The following NDUFA12 variants were observed in gnomAD, a reference collection of about 807,000 sequenced individuals.
NDUFA12 encodes the protein NADH:ubiquinone oxidoreductase subunit A12, also known as NADH dehydrogenase [ubiquinone] 1 alpha subcomplex subunit 12.
NDUFA12 carries 17 observed loss-of-function variants against 20.3 expected under a neutral mutation model. That is an observed-to-expected ratio of 0.84 (90% CI 0.57 to 1.26). NDUFA12 has a LOEUF of 1.26. NDUFA12 is among the 50% of genes most tolerant of loss of function. NDUFA12 has a pLI of 0.00. For synonymous variants in NDUFA12, 72 were observed against 63.6 expected (o/e 1.13, Z -0.63); for missense variants, 191 against 183.7 (o/e 1.04, Z -0.23).
intron 3 of NDUFA12, among the ~76,000 whole-genome samples, chr12:94,979,437 G>A (rs1221290973): frequency 6.6e-6 from 1 of 152,128 alleles, no homozygotes; most frequent in Non-Finnish European, 1.5e-5. Flanking sequence ...TTTTAATGGT[G>A]ATTATAAGGA....
At chr12:94,985,579 A>G (rs1174429482) in intron 3 of NDUFA12, among the ~76,000 whole-genome samples, 10 of 142,642 alleles carry the variant, frequency 7.0e-5, no homozygotes, top group Non-Finnish European at 1.5e-4. Flanking sequence ...GTGAGCTGAG[A>G]TCACGCCACT....
chr12:94,989,034 A>AATAC (rs1207636509), intron 3 of NDUFA12, among the ~76,000 whole-genome samples: 1 of 152,146 alleles, frequency 6.6e-6, no homozygotes, highest in African/African-American at 2.4e-5. Context: ...CAGACCAAGC[A>AATAC]ATACATCTCA....
intron 3 of NDUFA12, among the ~76,000 whole-genome samples, chr12:94,992,964 A>G (rs968217622): frequency 3.3e-5 from 5 of 152,214 alleles, no homozygotes; most frequent in African/African-American, 9.6e-5. Flanking sequence ...TATGCACTCA[A>G]TGTAAATAGG....
At chr12:95,002,906 T>A (rs1875110117) in intron 1 of NDUFA12, 85 bp from the exon 2 acceptor site, 12 of 1,172,388 alleles carry the variant, frequency 1.0e-5, no homozygotes, top group Non-Finnish European at 1.5e-5. Flanking sequence ...GTAACAACTT[T>A]CAGACACAAG....
intron 1 of NDUFA12, 46 bp from the exon 2 acceptor site, chr12:95,002,867 T>C (rs760158593): frequency 6.6e-7 from 1 of 1,512,224 alleles, no homozygotes; most frequent in East Asian, 2.3e-5. Flanking sequence ...TGATTCTTAG[T>C]TCAAAACATA....
chr12:94,986,085 CTAAATAAA>C lies in NDUFA12; in HGVS notation c.257+8077_257+8084del, dbSNP rs57582405. ...GGGCGACAAGAGCATAACTCTGTCT[CTAAATAAA>C]TAAATAAATAAATAAATAAATAAGC... On this transcript the variant is annotated intron_variant, in intron 3 of 3. Transcript: ENST00000327772. Among the ~76,000 whole-genome samples, 1,074 of 136,248 alleles carry C rather than the reference CTAAATAAA, an allele frequency of 7.9e-3. 8 individuals are homozygous for C. The highest frequency in any genetic ancestry group is 0.013 in the Non-Finnish European group (785 of 62,700). 89.4% of individuals were successfully genotyped at this position (136,248 alleles called of 152,430 possible).
intron 3 of NDUFA12, among the ~76,000 whole-genome samples, chr12:94,981,985 T>C (rs1433320): frequency 0.87 from 132,357 of 152,216 alleles, 57,647 homozygotes; most frequent in Admixed American, 0.9. Flanking sequence ...TTCTAATGTT[T>C]CCCATAAGAT....
At chr12:94,992,322 C>T (rs1874672026) in intron 3 of NDUFA12, among the ~76,000 whole-genome samples, 1 of 152,286 alleles carries the variant, frequency 6.6e-6, no homozygotes, top group East Asian at 1.9e-4. Flanking sequence ...TTTTAGGGCT[C>T]TCATTTTATA....
chr12:95,002,684 C>G (rs1875096809), intron 2 of NDUFA12, 55 bp downstream of exon 2: 3 of 1,320,310 alleles, frequency 2.3e-6, no homozygotes, highest in East Asian at 4.6e-5. Flanking sequence ...AAAATAGACT[C>G]AAATCAAATC....
chr12:95,003,441 GA>G (rs2136075225), intron 1 of NDUFA12, among the ~76,000 whole-genome samples, 153 bp downstream of exon 1: 1 of 152,326 alleles, frequency 6.6e-6, no homozygotes, highest in African/African-American at 2.4e-5. Flanking sequence ...ATGGGACAGA[GA>G]CCAGCCTGGG....
At chr12:95,002,700 C>A (rs1007263733) in intron 2 of NDUFA12, 39 bp downstream of exon 2, 24 of 1,445,894 alleles carry the variant, frequency 1.7e-5, no homozygotes, top group Middle Eastern at 1.7e-4. Context: ...AAATCCCAAT[C>A]CCAATCCAAT....
At chr12:94,989,269 C>T (rs1181019668) in intron 3 of NDUFA12, among the ~76,000 whole-genome samples, 1 of 152,092 alleles carries the variant, frequency 6.6e-6, no homozygotes, top group East Asian at 1.9e-4. Flanking sequence ...TTCTGCCTTC[C>T]CCTATGAAAA....
intron 3 of NDUFA12, among the ~76,000 whole-genome samples, chr12:94,982,022 G>A (rs1225429007): frequency 6.6e-6 from 1 of 152,148 alleles, no homozygotes; most frequent in Non-Finnish European, 1.5e-5. Context: ...AAACAGAGAA[G>A]CTGACTAAAA....
chr12:94,990,353 A>C (rs1230447862), intron 3 of NDUFA12, among the ~76,000 whole-genome samples: 2 of 152,160 alleles, frequency 1.3e-5, no homozygotes, highest in African/African-American at 2.4e-5. Flanking sequence ...AAAAGAGTGC[A>C]ACAGCAATCC....
chr12:94,975,470 T>C (rs940249407), intron 3 of NDUFA12, among the ~76,000 whole-genome samples: 2 of 152,192 alleles, frequency 1.3e-5, no homozygotes, highest in Non-Finnish European at 2.9e-5. Context: ...GAGAAATCAG[T>C]ACTCATATAC....
At chr12:94,980,687 G>T (rs536435805) in intron 3 of NDUFA12, among the ~76,000 whole-genome samples, 2 of 152,066 alleles carry the variant, frequency 1.3e-5, no homozygotes, top group East Asian at 1.9e-4. Context: ...ATCAATGTAC[G>T]AGGAGAGACT....
At chr12:94,983,975 C>T (rs1874325724) in intron 3 of NDUFA12, among the ~76,000 whole-genome samples, 1 of 151,812 alleles carries the variant, frequency 6.6e-6, no homozygotes, top group Admixed American at 6.6e-5. Flanking sequence ...AGCCTGTCCA[C>T]ACAAGGAGAA....
chr12:94,982,385 T>C (rs1176262952), intron 3 of NDUFA12, among the ~76,000 whole-genome samples: 1 of 151,938 alleles, frequency 6.6e-6, no homozygotes, highest in Non-Finnish European at 1.5e-5. Flanking sequence ...GCCAGTCTCC[T>C]GCCTCAGCCT....
intron 3 of NDUFA12, among the ~76,000 whole-genome samples, chr12:94,991,637 G>C (rs1437738606): frequency 6.7e-6 from 1 of 149,008 alleles, no homozygotes; most frequent in East Asian, 2.0e-4. Flanking sequence ...TGAGGCGGGA[G>C]AATTGCTTGA....
Sources: allele counts gnomAD v4.1 joint callset (sites outside exome capture counted in the v4.1 genomes callset), GRCh38; gene constraint gnomAD v4.1.1; transcripts MANE v1.5; gene names NCBI Gene and HGNC (gene_info 2026-07-23, HGNC 2026-07-21).